Variants in PTPRT observed in about 807,000 individuals in gnomAD.
PTPRT encodes protein tyrosine phosphatase receptor type T.
A neutral mutation model predicts 176.8 loss-of-function variants in PTPRT; 56 were observed. That is an observed-to-expected ratio of 0.32 (90% CI 0.26 to 0.40). PTPRT has a LOEUF of 0.40. Among genes scored for constraint, PTPRT ranks in the 10% least tolerant of loss-of-function variants. The pLI, the probability that PTPRT is intolerant of heterozygous loss-of-function variation, is 1.00. For synonymous variants in PTPRT, 783 were observed against 739.0 expected, an observed-to-expected ratio of 1.06 and a Z score of -0.96; for missense variants, 1,540 against 1,908.2, an observed-to-expected ratio of 0.81 and a Z score of 3.60.
intron 7 of PTPRT, among the ~76,000 whole-genome samples, chr20:42,665,795 G>A (rs1192411708): frequency 6.6e-6 from 1 of 152,186 alleles, no homozygotes; most frequent in Non-Finnish European, 1.5e-5. Flanking sequence ...CCTTTGTAGG[G>A]ACATGGATGA....
intron 6 of PTPRT, among the ~76,000 whole-genome samples, chr20:42,708,252 T>C (rs1216957179): frequency 2.0e-5 from 3 of 152,166 alleles, no homozygotes; most frequent in Non-Finnish European, 2.9e-5. Flanking sequence ...TTAGTCTTCT[T>C]TTATCATTTT....
chr20:42,123,950 C>T (rs1234585101), intron 19 of PTPRT, among the ~76,000 whole-genome samples: 2 of 152,218 alleles, frequency 1.3e-5, no homozygotes, highest in African/African-American at 4.8e-5. Context: ...CCAGGGCTGG[C>T]TTGCTCATGG....
intron 17 of PTPRT, among the ~76,000 whole-genome samples, chr20:42,156,049 A>C (rs1989335631): frequency 6.6e-6 from 1 of 151,614 alleles, no homozygotes; most frequent in South Asian, 2.1e-4. Context: ...GGTTCCCCTC[A>C]CTCAACCTGC....
At chr20:42,211,945 C>T (rs1415783262) in intron 15 of PTPRT, among the ~76,000 whole-genome samples, 6 of 150,116 alleles carry the variant, frequency 4.0e-5, no homozygotes, top group African/African-American at 1.5e-4. Context: ...GGCCCATATA[C>T]ACCATGGAAT....
intron 7 of PTPRT, among the ~76,000 whole-genome samples, chr20:42,634,340 CTCTT>C: frequency 6.7e-6 from 1 of 149,742 alleles, no homozygotes; most frequent in East Asian, 2.0e-4. Flanking sequence ...CCCTATTTCT[CTCTT>C]TCTTTGTCAC....
chr20:42,623,535 A>G (rs2074236477), intron 7 of PTPRT, among the ~76,000 whole-genome samples: 1 of 152,238 alleles, frequency 6.6e-6, no homozygotes, highest in Admixed American at 6.5e-5. Flanking sequence ...GTTAAACTCT[A>G]CGGAATGGGA....
intron 6 of PTPRT, among the ~76,000 whole-genome samples, chr20:42,706,179 T>TTG (rs369232610): frequency 0.16 from 19,993 of 123,226 alleles, 1,404 homozygotes; most frequent in East Asian, 0.22. Context: ...CTCTCTCTGT[T>TTG]TGTGTGTGTG....
intron 7 of PTPRT, among the ~76,000 whole-genome samples, chr20:42,531,072 G>A (rs527548207): frequency 6.6e-6 from 1 of 152,270 alleles, no homozygotes; most frequent in East Asian, 1.9e-4. Flanking sequence ...ACCCACCTGC[G>A]GTTTGGAAGC....
At chr20:42,955,957 C>T (rs761542476) in intron 1 of PTPRT, among the ~76,000 whole-genome samples, 57 of 152,278 alleles carry the variant, frequency 3.7e-4, no homozygotes, top group African/African-American at 1.2e-3. Flanking sequence ...CTTGGGCACA[C>T]GGCAGTGTGG....
chr20:42,358,100 T>C (rs2058382476), intron 9 of PTPRT, among the ~76,000 whole-genome samples: 3 of 150,268 alleles, frequency 2.0e-5, no homozygotes, highest in Admixed American at 6.7e-5. Context: ...AAAAAAAAAG[T>C]CTGGCATTTA....
At chr20:42,714,306 C>T (rs529521910) in intron 6 of PTPRT, among the ~76,000 whole-genome samples, 11 of 152,336 alleles carry the variant, frequency 7.2e-5, no homozygotes, top group African/African-American at 2.2e-4. Context: ...TCTCACTTTA[C>T]TGTCATCTGG....
chr20:42,074,563 A>C lies in PTPRT; in HGVS notation c.*6316T>G, dbSNP rs1042798399. 2.6e-6 allele frequency: 1 copy of C among 387,280 alleles called. No homozygotes were observed. Among genetic ancestry groups the C allele is most frequent in the Non-Finnish European group, 4.6e-6 (1 of 219,522 alleles). The allele number at this position is 387,280 out of a possible 1,614,324, so 24.0% of individuals were successfully genotyped here. On this transcript the variant is annotated 3_prime_UTR_variant, in exon 31 of 31. Coordinates refer to ENST00000373187, the MANE Select transcript of PTPRT (RefSeq NM_007050.6). ...CTCAGATATAGAAGGAAGCCCCATA[A>C]TGATCAAGCCCCTAAAACTCTTCCC...
chr20:42,998,355 C>CG (rs1312814093), intron 1 of PTPRT, among the ~76,000 whole-genome samples: 1 of 152,024 alleles, frequency 6.6e-6, no homozygotes, highest in Non-Finnish European at 1.5e-5. Context: ...TATGATTCTG[C>CG]GGTAAGCTGA....
intron 13 of PTPRT, among the ~76,000 whole-genome samples, chr20:42,259,027 T>C (rs999436367): frequency 1.3e-5 from 2 of 152,238 alleles, no homozygotes; most frequent in Non-Finnish European, 2.9e-5. Context: ...TGACAGAAGT[T>C]GCCCTCGTTT....
chr20:42,732,646 T>C (rs758861226), intron 6 of PTPRT, among the ~76,000 whole-genome samples: 4 of 152,184 alleles, frequency 2.6e-5, no homozygotes, highest in Non-Finnish European at 5.9e-5. Flanking sequence ...TGCTGTTTCA[T>C]GCTTAGAGGT....
chr20:42,620,200 T>G (rs79251955), intron 7 of PTPRT, among the ~76,000 whole-genome samples: 19,425 of 144,466 alleles, frequency 0.13, 1,371 homozygotes, highest in African/African-American at 0.16. Flanking sequence ...ATACCCTGCC[T>G]TGTGAGGTGT....
intron 1 of PTPRT, among the ~76,000 whole-genome samples, chr20:43,077,023 C>T (rs2011296950): frequency 6.6e-6 from 1 of 152,178 alleles, no homozygotes; most frequent in African/African-American, 2.4e-5. Flanking sequence ...TGAATTGGTC[C>T]TCATTGCCAA....
rs1049068580 is a variant in PTPRT, at chr20:42,625,422, C to A, written c.1153+52444G>T. On this transcript the variant is annotated intron_variant, in intron 7 of 30. Transcript: ENST00000373187. Reference sequence around the variant, plus strand: ...AGAGCACCTAGCATATGAAACATACCAGAACCTTTTCTAGTTTTTTTTTTT... The same window carrying A: ...AGAGCACCTAGCATATGAAACATACAAGAACCTTTTCTAGTTTTTTTTTTT... Among the ~76,000 whole-genome samples, 8 of 151,886 alleles carry A rather than the reference C, an allele frequency of 5.3e-5. No homozygotes were observed. The South Asian group carries it at 1.7e-3, about 32-fold the overall frequency.
At chr20:42,063,073 G>A in the PTPRT span, among the ~76,000 whole-genome samples, 2 of 152,278 alleles carry the variant, frequency 1.3e-5, no homozygotes, top group Admixed American at 6.5e-5. Context: ...CAAGAGACCT[G>A]GATTTTAGTC....
Sources: allele counts gnomAD v4.1 joint callset (sites outside exome capture counted in the v4.1 genomes callset), GRCh38; gene constraint gnomAD v4.1.1; transcripts MANE v1.5; gene names NCBI Gene and HGNC (gene_info 2026-07-23, HGNC 2026-07-21).